Variants in DTWD2 observed in about 807,000 individuals in gnomAD.
The protein encoded by DTWD2 is tRNA-uridine aminocarboxypropyltransferase 2.
Under a neutral mutation model 31.8 loss-of-function variants are expected in DTWD2, and 39 were observed. The observed-to-expected ratio is 1.22, with a 90% CI of 0.95 to 1.60. The LOEUF (loss-of-function observed/expected upper bound fraction) is 1.60. Among genes scored for constraint, DTWD2 ranks in the 40% most tolerant of loss-of-function variants. The pLI is 0.00. For synonymous variants in DTWD2, 180 were observed against 142.8 expected, an observed-to-expected ratio of 1.26 and a Z score of -1.86; for missense variants, 515 against 381.5, an observed-to-expected ratio of 1.35 and a Z score of -2.92.
At chr5:118,908,840 A>G (rs1249643130) in intron 4 of DTWD2, among the ~76,000 whole-genome samples, 1 of 152,208 alleles carries the variant, frequency 6.6e-6, no homozygotes, top group African/African-American at 2.4e-5. Flanking sequence ...GTCAGTGAGA[A>G]GGCAAAGTAG....
intron 1 of DTWD2, among the ~76,000 whole-genome samples, chr5:118,987,631 C>G (rs923056878): frequency 6.6e-6 from 1 of 152,150 alleles, no homozygotes; most frequent in African/African-American, 2.4e-5. Flanking sequence ...TTATCCGTAT[C>G]CAGTAAGAGA....
At chr5:118,843,996 C>A (rs1190226371) in intron 5 of DTWD2, among the ~76,000 whole-genome samples, 2 of 152,320 alleles carry the variant, frequency 1.3e-5, no homozygotes, top group Non-Finnish European at 1.5e-5. Context: ...ACCTTCCTTG[C>A]TCCTTCCTTG....
intron 1 of DTWD2, among the ~76,000 whole-genome samples, chr5:118,968,987 C>G (rs556545634): frequency 6.6e-6 from 1 of 152,136 alleles, no homozygotes; most frequent in Non-Finnish European, 1.5e-5. Context: ...TCCAGCCTGC[C>G]GGCTCCTCTG....
chr5:118,851,218 CA>C (rs35541408), intron 4 of DTWD2, among the ~76,000 whole-genome samples: 2,875 of 81,952 alleles, frequency 0.035, 24 homozygotes, highest in Non-Finnish European at 0.038. Flanking sequence ...GACCCTATCT[CA>C]AAAAAAAAAA....
At chr5:118,915,026 G>C (rs558495004) in intron 4 of DTWD2, among the ~76,000 whole-genome samples, 5 of 152,238 alleles carry the variant, frequency 3.3e-5, no homozygotes, top group African/African-American at 1.2e-4. Context: ...CAGGGATCGA[G>C]ACAAACATGA....
At chr5:118,980,251 G>C (rs773425786) in intron 1 of DTWD2, among the ~76,000 whole-genome samples, 5 of 152,200 alleles carry the variant, frequency 3.3e-5, no homozygotes, top group Non-Finnish European at 5.9e-5. Context: ...AACACACTAA[G>C]TTCAAGGTCC....
chr5:118,974,830 T>C (rs1755110709), intron 1 of DTWD2, among the ~76,000 whole-genome samples: 1 of 152,236 alleles, frequency 6.6e-6, no homozygotes, highest in South Asian at 2.1e-4. Flanking sequence ...ATTCTTTTAT[T>C]TAAGAATGTT....
intron 1 of DTWD2, among the ~76,000 whole-genome samples, chr5:118,973,473 T>C (rs547334823): frequency 4.6e-5 from 7 of 152,330 alleles, no homozygotes; most frequent in African/African-American, 1.7e-4. Flanking sequence ...CTCTCAGCAT[T>C]TGCTTATCTG....
intron 4 of DTWD2, among the ~76,000 whole-genome samples, chr5:118,897,129 G>A (rs751827852): frequency 4.6e-5 from 7 of 152,174 alleles, no homozygotes; most frequent in Non-Finnish European, 1.0e-4. Context: ...GTATATAGTG[G>A]AACTCACGGT....
At chr5:118,885,134 T>TG (rs1411425749) in intron 4 of DTWD2, among the ~76,000 whole-genome samples, 1 of 145,460 alleles carries the variant, frequency 6.9e-6, no homozygotes, top group Non-Finnish European at 1.5e-5. Flanking sequence ...CATAGGGAGA[T>TG]GAAGTCTCTA....
intron 4 of DTWD2, among the ~76,000 whole-genome samples, chr5:118,877,502 A>G (rs1308118443): frequency 1.3e-5 from 2 of 152,046 alleles, no homozygotes; most frequent in Non-Finnish European, 2.9e-5. Context: ...AAATAAAAAA[A>G]GCTCTCAAGA....
chr5:118,948,006 A>G (rs911838217), intron 1 of DTWD2, among the ~76,000 whole-genome samples: 5 of 152,176 alleles, frequency 3.3e-5, no homozygotes, highest in Non-Finnish European at 7.3e-5. Context: ...ATGAATGATA[A>G]TATATATTAT....
At chr5:118,963,987 A>G (rs1446450504) in intron 1 of DTWD2, among the ~76,000 whole-genome samples, 1 of 152,168 alleles carries the variant, frequency 6.6e-6, no homozygotes, top group African/African-American at 2.4e-5. Context: ...AGGCGTGTGG[A>G]CCACTTGAGG....
intron 4 of DTWD2, among the ~76,000 whole-genome samples, chr5:118,902,170 T>TG (rs1443340770): frequency 1.3e-5 from 2 of 152,122 alleles, no homozygotes; most frequent in Non-Finnish European, 2.9e-5. Flanking sequence ...TTTAAACTGA[T>TG]GAAGTACTGA....
chr5:118,987,898 ACTGT>A (rs1414030879), intron 1 of DTWD2, among the ~76,000 whole-genome samples: 1 of 152,176 alleles, frequency 6.6e-6, no homozygotes, highest in Non-Finnish European at 1.5e-5. Flanking sequence ...GGTAAAGGAG[ACTGT>A]CTCTCTCCTC....
At chr5:118,900,757 C>A (rs1452797915) in intron 4 of DTWD2, among the ~76,000 whole-genome samples, 1 of 151,628 alleles carries the variant, frequency 6.6e-6, no homozygotes, top group Non-Finnish European at 1.5e-5. Flanking sequence ...AAACCCCGTC[C>A]TACTAAAAAC....
At chr5:118,935,549 G>C (rs1388961059) in intron 3 of DTWD2, among the ~76,000 whole-genome samples, 2 of 152,122 alleles carry the variant, frequency 1.3e-5, no homozygotes, top group African/African-American at 4.8e-5. Flanking sequence ...TGCTTGTGGG[G>C]AGAAATCCTC....
At chr5:118,916,373 A>G (rs1753577115) in intron 4 of DTWD2, among the ~76,000 whole-genome samples, 1 of 152,170 alleles carries the variant, frequency 6.6e-6, no homozygotes, top group African/African-American at 2.4e-5. Context: ...TAGTCTATTA[A>G]AAGACATTAA....
intron 4 of DTWD2, among the ~76,000 whole-genome samples, chr5:118,898,316 A>T (rs1015596929): frequency 6.6e-6 from 1 of 152,184 alleles, no homozygotes; most frequent in African/African-American, 2.4e-5. Flanking sequence ...AAACAAAAAA[A>T]TTAATGTACA....
Sources: gnomAD v4.1 joint callset for allele counts (sites outside exome capture counted in the v4.1 genomes callset) on GRCh38, gnomAD v4.1.1 for gene constraint, MANE v1.5 for transcripts, NCBI Gene and HGNC (gene_info 2026-07-23, HGNC 2026-07-21) for gene names.